The following SS18L1 variants were observed in gnomAD, a reference collection of about 807,000 sequenced individuals.
The protein encoded by SS18L1 is SS18L1 subunit of BAF chromatin remodeling complex.
Under a neutral mutation model 70.3 loss-of-function variants are expected in SS18L1, and 32 were observed. The observed-to-expected ratio is 0.46, with a 90% confidence interval of 0.34 to 0.61. SS18L1 has a LOEUF of 0.61. Ranked by LOEUF, SS18L1 falls within the 20% of genes least tolerant of loss-of-function variation. SS18L1 has a pLI of 0.01. For synonymous variants in SS18L1, 237 were observed against 229.7 expected, an observed-to-expected ratio of 1.03 and a Z score of -0.29; for missense variants, 430 against 542.1, an observed-to-expected ratio of 0.79 and a Z score of 2.05.
intron 1 of SS18L1, among the ~76,000 whole-genome samples, chr20:62,156,465 C>A (rs1218891206): frequency 6.6e-6 from 1 of 152,186 alleles, no homozygotes; most frequent in Non-Finnish European, 1.5e-5. Flanking sequence ...GAGTGCAGGG[C>A]ACCTTGTCCC....
At chr20:62,176,396 C>T (rs1267193006) in intron 10 of SS18L1, among the ~76,000 whole-genome samples, 1 of 152,124 alleles carries the variant, frequency 6.6e-6, no homozygotes, top group African/African-American at 2.4e-5. Context: ...GCCTGTAATC[C>T]CAGCTACTTG....
rs1480914923 is a variant in SS18L1, at chr20:62,181,532, C to CT, written c.*2326dup. On this transcript the variant is annotated 3_prime_UTR_variant, in exon 11 of 11. Transcript: ENST00000331758. Reference sequence around the variant, plus strand: ...TAATACTTTCTGAAAGAAAAGGACACTTACCCCAAAACTTCAATCTGAAAT... The same window carrying CT: ...TAATACTTTCTGAAAGAAAAGGACACTTTACCCCAAAACTTCAATCTGAAAT... The CT allele has an allele frequency of 3.7e-5, 8 of 213,626 alleles. No individual in the cohort carries two copies. The Admixed American group carries it at 4.7e-4, about 13-fold the overall frequency. 13.2% of individuals were successfully genotyped at this position (213,626 alleles called of 1,614,324 possible). A position where few individuals can be genotyped will look rare whatever the true frequency, so the allele number is the denominator to read the frequency against.
intron 1 of SS18L1, among the ~76,000 whole-genome samples, chr20:62,153,296 A>G (rs925921361): frequency 2.0e-5 from 3 of 152,178 alleles, no homozygotes; most frequent in Admixed American, 6.5e-5. Flanking sequence ...GGGAACTACA[A>G]TTGAAGATGA....
At chr20:62,175,210 A>G in intron 10 of SS18L1, 1 of 979,076 alleles carries the variant, frequency 1.0e-6, no homozygotes, top group Non-Finnish European at 1.2e-6. Context: ...AGGAACAGTG[A>G]GCAGGGCTTT....
intron 8 of SS18L1, 106 bp from the exon 9 acceptor site, chr20:62,172,576 G>A: frequency 2.0e-6 from 3 of 1,535,678 alleles, no homozygotes. Flanking sequence ...CGAAGCAATG[G>A]ATTTGGTTTT....
intron 7 of SS18L1, 63 bp downstream of exon 7, chr20:62,164,309 G>A: frequency 1.4e-6 from 2 of 1,392,366 alleles, no homozygotes; most frequent in Non-Finnish European, 2.0e-6. Context: ...GGCAAGGAGG[G>A]CAAGGAGGGC....
At chr20:62,146,771 C>T (rs1383093738) in intron 1 of SS18L1, among the ~76,000 whole-genome samples, 1 of 152,086 alleles carries the variant, frequency 6.6e-6, no homozygotes, top group Admixed American at 6.5e-5. Flanking sequence ...AGGCGCGTGC[C>T]ACCACGCCCG....
intron 8 of SS18L1, among the ~76,000 whole-genome samples, chr20:62,168,576 T>C: frequency 6.6e-6 from 1 of 152,020 alleles, no homozygotes; most frequent in Non-Finnish European, 1.5e-5. Flanking sequence ...ATCCCAGCAT[T>C]GTGGGGGCCA....
At position 62,158,809 on chromosome 20, in the gene SS18L1, G is replaced by A. The variant is rs765505970; in HGVS notation, c.146+61G>A. The A allele has an allele frequency of 4.2e-5, 68 of 1,612,408 alleles. No individual in the cohort carries two copies. In the South Asian group the frequency reaches 6.8e-4, roughly 16 times the overall value. ...TGTCATGCAGAGTCTAAGCACAGAG[G>A]CCAGATACGTCCCAAGAGTCCCCCA... On this transcript the variant is annotated intron_variant, in intron 2 of 10. Transcript: ENST00000331758. This position sits in a 1 kb window ranked among gnomAD's most constrained non-coding sequence, Gnocchi z 4.5.
At chr20:62,156,945 A>G (rs1056179137) in intron 1 of SS18L1, among the ~76,000 whole-genome samples, 4 of 152,176 alleles carry the variant, frequency 2.6e-5, no homozygotes, top group Non-Finnish European at 5.9e-5. Context: ...TTTTTATGAA[A>G]AGCAGCAGGC....
chr20:62,146,604 C>CCTTTTTTTTTTTTTTTTTTT (rs1339898731), intron 1 of SS18L1, among the ~76,000 whole-genome samples: 4 of 34,158 alleles, frequency 1.2e-4, no homozygotes, highest in African/African-American at 4.8e-4. Context: ...CTGCTTTGAT[C>CCTTTTTTTTTTTTTTTTTTT]ATTTTTTTTT....
rs539256476 is a variant in SS18L1, at chr20:62,179,580, C to T, written c.*372C>T. ...GAGGACACCACAGTCCACCTGTTCC[C>T]GTCAACAGACGTTAGGTCTCATTTT... On this transcript the variant is annotated 3_prime_UTR_variant, in exon 11 of 11. Transcript: ENST00000331758. The T allele has an allele frequency of 4.7e-5, 15 of 317,908 alleles. No homozygotes were observed. Among genetic ancestry groups the T allele is most frequent in the South Asian group, 1.7e-4 (3 of 18,058 alleles). The allele number at this position is 317,908 out of a possible 1,614,324, so 19.7% of individuals were successfully genotyped here.
Position 62,174,457 on chromosome 20 carries a change from GA to G in SS18L1, c.1037-51del, listed in dbSNP as rs1185244051. On this transcript the variant is annotated intron_variant, in intron 9 of 10. Coordinates refer to ENST00000331758, the MANE Select transcript of SS18L1 (RefSeq NM_198935.3). This position sits in a 1 kb window ranked among gnomAD's most constrained non-coding sequence, Gnocchi z 4.1. ...GTTTTAAAAAAAATTTTTAAGTTAA[GA>G]AAAAAAAAGAAAGAGGTGTCCGTTT... 33 of 1,532,580 alleles carry G rather than the reference GA, an allele frequency of 2.2e-5. No homozygotes were observed. The highest frequency in any genetic ancestry group is 6.6e-5 in the Admixed American group (3 of 45,316). The allele number at this position is 1,532,580 out of a possible 1,614,324, so 94.9% of individuals were successfully genotyped here. A position where few individuals can be genotyped will look rare whatever the true frequency, so the allele number is the denominator to read the frequency against.
At position 62,143,898 on chromosome 20, in the gene SS18L1, G is replaced by A; in HGVS notation, c.69+9G>A. 8.8e-7 allele frequency: 1 copy of A among 1,137,248 alleles called. No homozygotes were observed. The highest frequency in any genetic ancestry group is 1.1e-6 in the Non-Finnish European group (1 of 904,888). The allele number at this position is 1,137,248 out of a possible 1,614,324, so 70.4% of individuals were successfully genotyped here. ...AGCAAACCATCCAGAAGGTGGGCCG[G>A]GCCGGAGCGGCGGCGCTGGGCGGCG... On this transcript the variant is annotated intron_variant, in intron 1 of 10. Transcript: ENST00000331758.
intron 1 of SS18L1, among the ~76,000 whole-genome samples, chr20:62,156,096 C>T (rs1463000914): frequency 1.3e-5 from 2 of 152,140 alleles, no homozygotes; most frequent in East Asian, 3.9e-4. Flanking sequence ...CGGCACTGCC[C>T]TGGCCAGTGC....
Position 62,163,534 on chromosome 20 carries a change from G to A in SS18L1, c.633G>A (p.Gln211=). 6.2e-7 allele frequency: 1 copy of A among 1,611,718 alleles called. No homozygotes were observed. The highest frequency in any genetic ancestry group is 8.5e-7 in the Non-Finnish European group (1 of 1,179,808). The change falls in exon 6 of 11, where the codon CAG becomes CAA. Residue 211 remains glutamine (Q), a synonymous_variant. Coordinates refer to ENST00000331758, the MANE Select transcript of SS18L1 (RefSeq NM_198935.3). ...AQGGSQHYQG[Q]SSIAMMGQGS... ...GCGGCAGCCAGCACTACCAGGGCCA[G>A]TCGTCCATCGCCATGATGGGGCAGG... is the stretch of plus-strand genomic sequence containing the variant.
intron 8 of SS18L1, among the ~76,000 whole-genome samples, chr20:62,166,604 A>AG (rs764673218): frequency 6.6e-6 from 1 of 151,836 alleles, no homozygotes; most frequent in African/African-American, 2.4e-5. Context: ...GGAAACAAAA[A>AG]GTACATGAAT....
Position 62,182,403 on chromosome 20 carries a change from A to ATT in SS18L1, c.*3203_*3204dup. On this transcript the variant is annotated 3_prime_UTR_variant, in exon 11 of 11. Transcript: ENST00000331758. Reference sequence around the variant, plus strand: ...CATTTAAAAAACATCCTTATCGGTTATTTTTTTTTCAGTCGGAGTTTGACG... The same window carrying ATT: ...CATTTAAAAAACATCCTTATCGGTTATTTTTTTTTTTCAGTCGGAGTTTGACG... 1 of 198,684 alleles carries ATT rather than the reference A, an allele frequency of 5.0e-6. No individual in the cohort carries two copies. The highest frequency in any genetic ancestry group is 1.0e-5 in the Non-Finnish European group (1 of 96,762). 12.3% of individuals were successfully genotyped at this position (198,684 alleles called of 1,614,324 possible). A position where few individuals can be genotyped will look rare whatever the true frequency, so the allele number is the denominator to read the frequency against.
intron 10 of SS18L1, among the ~76,000 whole-genome samples, chr20:62,178,148 T>C (rs73613554): frequency 1.6e-5 from 2 of 128,046 alleles, no homozygotes; most frequent in South Asian, 3.1e-4. Flanking sequence ...ATTCTTTTTT[T>C]TTTTTTTTTT....
Sources: gnomAD v4.1 joint callset for allele counts (sites outside exome capture counted in the v4.1 genomes callset) on GRCh38, gnomAD v4.1.1 for gene constraint, Gnocchi (gnomAD v3.1) non-coding constraint, MANE v1.5 for transcripts, NCBI Gene and HGNC (gene_info 2026-07-23, HGNC 2026-07-21) for gene names.